Variants in MLLT3 observed in about 807,000 individuals in gnomAD.
The protein encoded by MLLT3 is protein AF-9.
A neutral mutation model predicts 53.2 loss-of-function variants in MLLT3; 4 were observed. The ratio of observed to expected loss-of-function variants is 0.08; its 90% CI spans 0.04 to 0.17. The LOEUF is 0.17. Ranked by LOEUF, MLLT3 falls within the 10% of genes least tolerant of loss-of-function variation. MLLT3 has a pLI of 1.00. For missense variants in MLLT3, 569 were observed against 684.0 expected (o/e 0.83, Z 1.87); for synonymous variants, 283 against 230.6 (o/e 1.23, Z -2.06).
chr9:20,496,592 A>G (rs1825085325), intron 2 of MLLT3, among the ~76,000 whole-genome samples: 1 of 152,186 alleles, frequency 6.6e-6, no homozygotes, highest in Admixed American at 6.5e-5. Context: ...TACAAAGCTC[A>G]TTAATTAGCA....
chr9:20,591,344 G>A (rs948821038), intron 2 of MLLT3, among the ~76,000 whole-genome samples: 1 of 152,164 alleles, frequency 6.6e-6, no homozygotes, highest in Non-Finnish European at 1.5e-5. Context: ...AAGGTTCCCA[G>A]TCAATAGGTC....
intron 2 of MLLT3, among the ~76,000 whole-genome samples, chr9:20,524,548 C>T (rs1189336235): frequency 3.3e-5 from 5 of 152,050 alleles, no homozygotes; most frequent in East Asian, 3.9e-4. Context: ...GACAGGCTCT[C>T]GGGCTCTCAT....
intron 2 of MLLT3, among the ~76,000 whole-genome samples, chr9:20,513,834 T>C (rs893305239): frequency 2.0e-5 from 3 of 152,210 alleles, no homozygotes; most frequent in African/African-American, 7.2e-5. Flanking sequence ...TCAGAATAGA[T>C]GCTGAAGCAA....
intron 2 of MLLT3, chr9:20,533,069 C>G (rs562932450): frequency 4.0e-6 from 1 of 252,392 alleles, no homozygotes; most frequent in Admixed American, 4.9e-5. Context: ...TCCTGCCTGC[C>G]CTGTGTCGTA....
At chr9:20,366,326 G>A (rs1821450315) in intron 5 of MLLT3, among the ~76,000 whole-genome samples, 1 of 152,114 alleles carries the variant, frequency 6.6e-6, no homozygotes, top group South Asian at 2.1e-4. Flanking sequence ...TTAGTTTGCT[G>A]AGAATGATGG....
intron 2 of MLLT3, among the ~76,000 whole-genome samples, chr9:20,545,921 G>A (rs1035314209): frequency 3.3e-5 from 5 of 151,506 alleles, no homozygotes; most frequent in African/African-American, 1.2e-4. Flanking sequence ...GAAAGACTGA[G>A]GCAGAAGGAT....
At chr9:20,365,255 C>G (rs1352223656) in intron 6 of MLLT3, among the ~76,000 whole-genome samples, 1 of 152,194 alleles carries the variant, frequency 6.6e-6, no homozygotes, top group Non-Finnish European at 1.5e-5. Context: ...ATAAATACAA[C>G]TGCATAAAAG....
chr9:20,576,813 T>C (rs1435861679), intron 2 of MLLT3, among the ~76,000 whole-genome samples: 1 of 152,132 alleles, frequency 6.6e-6, no homozygotes, highest in African/African-American at 2.4e-5. Flanking sequence ...ATTTGCTCAA[T>C]GAAGGGTTGT....
intron 2 of MLLT3, among the ~76,000 whole-genome samples, chr9:20,565,972 A>T (rs1970041): frequency 0.12 from 2,406 of 19,992 alleles, 109 homozygotes; most frequent in East Asian, 0.5. Flanking sequence ...ATATATTTAT[A>T]TATATATATA....
At chr9:20,461,830 T>C (rs1281833232) in intron 2 of MLLT3, among the ~76,000 whole-genome samples, 2 of 152,190 alleles carry the variant, frequency 1.3e-5, no homozygotes, top group African/African-American at 2.4e-5. Flanking sequence ...CAGTTGCCCA[T>C]TGATAATTAT....
intron 5 of MLLT3, among the ~76,000 whole-genome samples, chr9:20,398,545 A>T (rs1014440481): frequency 5.3e-5 from 8 of 152,146 alleles, no homozygotes; most frequent in African/African-American, 1.9e-4. Context: ...CACGGTATAC[A>T]AGGGGCATTT....
intron 4 of MLLT3, among the ~76,000 whole-genome samples, chr9:20,444,928 C>T (rs1823657081): frequency 6.7e-6 from 1 of 148,528 alleles, no homozygotes; most frequent in East Asian, 2.0e-4. Flanking sequence ...CCTGTCTCTA[C>T]ATTTTTTTTT....
intron 2 of MLLT3, among the ~76,000 whole-genome samples, chr9:20,496,574 A>G (rs1825084792): frequency 6.6e-6 from 1 of 152,126 alleles, no homozygotes; most frequent in Non-Finnish European, 1.5e-5. Flanking sequence ...AAAAATAAGC[A>G]CTACAATTAC....
In MLLT3 at chr9:20,413,899, A is replaced by G. The variant is rs1265499106; in HGVS notation, c.947T>C (p.Leu316Pro). The G allele has an allele frequency of 1.2e-6, 2 of 1,613,826 alleles. No homozygotes were observed. The highest frequency in any genetic ancestry group is 1.7e-6 in the Non-Finnish European group (2 of 1,179,958). Residue 316 changes from leucine to proline, a missense_variant, in exon 5 of 11, where the codon CTG (leucine) becomes CCG (proline). This residue lies in a region of MLLT3 where 437 missense variants were observed against 376.5 expected (regional missense o/e 1.16). Coordinates refer to ENST00000380338, the MANE Select transcript of MLLT3 (RefSeq NM_004529.4). ...TTTGTCAGCAGAACAAGTGAGTATC[A>G]GTGGTGGTGCGCTAGAAAAACTTTT... ...LFKSFSSAPP[L>P]ILTCSADKKQ... is the part of the protein sequence containing the mutation.
chr9:20,565,651 G>A (rs564617227), intron 2 of MLLT3, among the ~76,000 whole-genome samples: 9 of 151,430 alleles, frequency 5.9e-5, no homozygotes, highest in South Asian at 4.2e-4. Flanking sequence ...CACGAATTAC[G>A]GTACCTTTTC....
At chr9:20,496,454 G>T (rs147850014) in intron 2 of MLLT3, among the ~76,000 whole-genome samples, 78 of 152,082 alleles carry the variant, frequency 5.1e-4, no homozygotes, top group East Asian at 1.7e-3. Flanking sequence ...ATCCCAATTA[G>T]ATCACTCCAA....
intron 3 of MLLT3, among the ~76,000 whole-genome samples, chr9:20,452,252 C>A (rs1427018002): frequency 6.6e-6 from 1 of 152,128 alleles, no homozygotes; most frequent in African/African-American, 2.4e-5. Flanking sequence ...TCCCATAATC[C>A]CCACGTGTCT....
At chr9:20,583,981 C>G (rs1284984530) in intron 2 of MLLT3, among the ~76,000 whole-genome samples, 1 of 152,188 alleles carries the variant, frequency 6.6e-6, no homozygotes, top group Non-Finnish European at 1.5e-5. Context: ...ATCACATTAT[C>G]AGGCTGCAAA....
At chr9:20,601,166 C>A (rs1820412492) in intron 2 of MLLT3, among the ~76,000 whole-genome samples, 1 of 152,074 alleles carries the variant, frequency 6.6e-6, no homozygotes, top group Admixed American at 6.6e-5. Context: ...CTTTGGGCTA[C>A]CCACTTAAGT....
Sources: allele counts gnomAD v4.1 joint callset (sites outside exome capture counted in the v4.1 genomes callset), GRCh38; gene constraint gnomAD v4.1.1; regional missense constraint gnomAD v4.1.1; transcripts MANE v1.5; gene names NCBI Gene and HGNC (gene_info 2026-07-23, HGNC 2026-07-21).